The following KDM5B variants were observed in gnomAD, a reference collection of about 807,000 sequenced individuals.
KDM5B encodes lysine-specific demethylase 5B.
Under a neutral mutation model 193.4 loss-of-function variants are expected in KDM5B, and 144 were observed. The observed-to-expected ratio is 0.74, with a 90% CI of 0.65 to 0.86. The LOEUF (loss-of-function observed/expected upper bound fraction) is 0.86. KDM5B is among the 40% of genes least tolerant of loss of function. The probability of loss-of-function intolerance (pLI) is 0.00; values close to 1 mark genes in which losing one functional copy is unlikely to be tolerated. For missense variants in KDM5B, 1,833 were observed against 1,886.9 expected, an observed-to-expected ratio of 0.97 and a Z score of 0.53; for synonymous variants, 668 against 682.6, an observed-to-expected ratio of 0.98 and a Z score of 0.33.
chr1:202,757,740 G>A (rs558395971), intron 9 of KDM5B, among the ~76,000 whole-genome samples: 42 of 152,168 alleles, frequency 2.8e-4, no homozygotes, highest in Non-Finnish European at 5.3e-4. Flanking sequence ...AACTGGGATG[G>A]AATGAGGGAG....
chr1:202,800,929 A>G (rs1231076272), intron 1 of KDM5B, among the ~76,000 whole-genome samples: 3 of 152,220 alleles, frequency 2.0e-5, no homozygotes, highest in African/African-American at 7.2e-5. Flanking sequence ...AAAACTGAGA[A>G]ATACTATCCC....
chr1:202,786,908 A>AGAC (rs1484345445), intron 1 of KDM5B, among the ~76,000 whole-genome samples: 1 of 152,190 alleles, frequency 6.6e-6, no homozygotes, highest in Non-Finnish European at 1.5e-5. Flanking sequence ...CTAAGATCTT[A>AGAC]GACCAGCCTG....
chr1:202,766,942 T>C lies in KDM5B; in HGVS notation c.695A>G (p.Lys232Arg). 1 of 1,580,890 alleles carries C rather than the reference T, an allele frequency of 6.3e-7. No homozygotes were observed. Among genetic ancestry groups the C allele is most frequent in the Non-Finnish European group, 8.5e-7 (1 of 1,171,962 alleles). The change falls in exon 5 of 27, where the codon AAA (lysine) becomes AGA (arginine). Residue 232 changes from lysine (K) to arginine (R), a missense_variant. By Grantham distance (26) the Lys-to-Arg change is conservative. Coordinates refer to ENST00000367265, the MANE Select transcript of KDM5B (RefSeq NM_006618.5). ...GGCTCTTACCTCTGCTCTCATGCGTTTTGCTCGTCGGGCTGGGGGGCACGT... is the reference window on the plus strand; with the variant it reads ...GGCTCTTACCTCTGCTCTCATGCGTCTTGCTCGTCGGGCTGGGGGGCACGT... ...SETCPPARRA[K>R]RMRAEAMNIK...
chr1:202,740,858 C>T, intron 19 of KDM5B, 46 bp from the exon 20 acceptor site: 1 of 1,550,112 alleles, frequency 6.5e-7, no homozygotes, highest in Non-Finnish European at 8.7e-7. Context: ...TATGATGGTT[C>T]ATTTTTCTTA....
chr1:202,769,111 A>T (rs976087207), intron 4 of KDM5B, among the ~76,000 whole-genome samples: 1 of 142,742 alleles, frequency 7.0e-6, no homozygotes, highest in East Asian at 2.1e-4. Flanking sequence ...ATCTTGGCTC[A>T]CTGCAAGCTC....
intron 9 of KDM5B, among the ~76,000 whole-genome samples, chr1:202,758,181 G>A (rs1429776228): frequency 1.3e-5 from 2 of 152,136 alleles, no homozygotes; most frequent in Admixed American, 6.5e-5. Context: ...TGTGGAAGAG[G>A]TATCTTTAGA....
At chr1:202,746,976 T>G (rs926731186) in intron 14 of KDM5B, among the ~76,000 whole-genome samples, 4 of 152,222 alleles carry the variant, frequency 2.6e-5, no homozygotes, top group African/African-American at 9.6e-5. Context: ...CTGTACCACC[T>G]AACATCTAGA....
chr1:202,764,493 G>C (rs1196434779), intron 5 of KDM5B, among the ~76,000 whole-genome samples: 1 of 152,046 alleles, frequency 6.6e-6, no homozygotes, highest in African/African-American at 2.4e-5. Context: ...AAAGTAGCCG[G>C]GCATGGTGGC....
intron 1 of KDM5B, among the ~76,000 whole-genome samples, chr1:202,792,630 T>C (rs911910701): frequency 6.6e-6 from 1 of 152,178 alleles, no homozygotes; most frequent in Admixed American, 6.5e-5. Flanking sequence ...ACTGTATACA[T>C]GCAGCTTACT....
At position 202,773,165 on chromosome 1, in the gene KDM5B, G is replaced by A. The variant is rs756616242; in HGVS notation, c.529C>T (p.Arg177Ter). 11 of 1,613,476 alleles carry A rather than the reference G, an allele frequency of 6.8e-6. No individual in the cohort carries two copies. The highest frequency in any genetic ancestry group is 1.6e-4 in the Middle Eastern group (1 of 6,084). The change falls in exon 4 of 27, where the codon CGA becomes TGA. Residue 177 changes from arginine (R) to a stop codon, truncating the protein, a stop_gained. Transcript: ENST00000367265. LOFTEE classifies it high-confidence loss of function. ...VGSHIRGHYE[R>*]ILNPYNLFLS... The stretch of plus-strand genomic sequence containing the variant: ...AATAAGTTGTAGGGGTTGAGAATTC[G>A]TTCATAATGCCCTCTGATATGTGAG...
intron 16 of KDM5B, 73 bp downstream of exon 16, chr1:202,745,785 G>T: frequency 6.5e-7 from 1 of 1,548,076 alleles, no homozygotes; most frequent in Non-Finnish European, 8.9e-7. Flanking sequence ...GAAATGTTTT[G>T]TTGACTTTAA....
intron 16 of KDM5B, among the ~76,000 whole-genome samples, chr1:202,743,101 C>T (rs1341416709): frequency 3.3e-5 from 5 of 151,978 alleles, no homozygotes. Context: ...ATTTGCAAGG[C>T]CAAGGCAGGA....
rs1558476131 is a variant in KDM5B, at chr1:202,728,395, A to G, written c.*641T>C. 1 of 152,730 alleles carries G rather than the reference A, an allele frequency of 6.5e-6. No individual in the cohort carries two copies. The highest frequency in any genetic ancestry group is 1.5e-5 in the Non-Finnish European group (1 of 68,088). 9.5% of individuals were successfully genotyped at this position (152,730 alleles called of 1,614,324 possible). ...CTAGACATTTGTGTTCTGTACATCA[A>G]TCAATCGCTAAAGCACCAACACACT... is the stretch of plus-strand genomic sequence containing the variant. On this transcript the variant is annotated 3_prime_UTR_variant, in exon 27 of 27. Transcript: ENST00000367265.
chr1:202,737,796 G>C (rs1262731521), intron 20 of KDM5B, among the ~76,000 whole-genome samples: 2 of 152,156 alleles, frequency 1.3e-5, no homozygotes, highest in Non-Finnish European at 1.5e-5. Context: ...AAGATTAAAA[G>C]AAACTTAAAG....
chr1:202,801,083 A>G (rs1037826200), intron 1 of KDM5B, among the ~76,000 whole-genome samples: 1 of 152,140 alleles, frequency 6.6e-6, no homozygotes, highest in Non-Finnish European at 1.5e-5. Context: ...TTTTGTCTCA[A>G]CTCCAATGCT....
chr1:202,748,641 G>A (rs541527655), intron 14 of KDM5B, among the ~76,000 whole-genome samples: 10 of 152,266 alleles, frequency 6.6e-5, no homozygotes, highest in African/African-American at 2.2e-4. Flanking sequence ...GGTTGAGTTG[G>A]GTGGATAGCT....
At chr1:202,755,772 T>C (rs573322884) in intron 10 of KDM5B, among the ~76,000 whole-genome samples, 21 of 152,248 alleles carry the variant, frequency 1.4e-4, no homozygotes, top group South Asian at 6.2e-4. Context: ...GTGATTATCC[T>C]GAGGGCATAG....
At chr1:202,752,435 A>G (rs963873618) in intron 12 of KDM5B, among the ~76,000 whole-genome samples, 11 of 151,082 alleles carry the variant, frequency 7.3e-5, no homozygotes, top group African/African-American at 2.7e-4. Context: ...TATACCATCT[A>G]GGTTTGTGTA....
chr1:202,753,068 C>T lies in KDM5B; in HGVS notation c.1539-1G>A. ...TCCATACCAGGTTTTTGGCTCACCC[C>T]TGGAAATAGATTATAAAAATAAATC... is the stretch of plus-strand genomic sequence containing the variant. On this transcript the variant is annotated splice_acceptor_variant, in intron 11 of 26. Coordinates refer to ENST00000367265, the MANE Select transcript of KDM5B (RefSeq NM_006618.5). LOFTEE classifies it high-confidence loss of function. 6.2e-7 allele frequency: 1 copy of T among 1,607,898 alleles called. No homozygotes were observed. Among genetic ancestry groups the T allele is most frequent in the Non-Finnish European group, 8.5e-7 (1 of 1,178,002 alleles).
Sources: allele counts gnomAD v4.1 joint callset (sites outside exome capture counted in the v4.1 genomes callset), GRCh38; gene constraint gnomAD v4.1.1; transcripts MANE v1.5; gene names NCBI Gene and HGNC (gene_info 2026-07-23, HGNC 2026-07-21).